Variants in UTRN observed in about 807,000 individuals in gnomAD.
The protein encoded by UTRN is utrophin, also known as dystrophin-related protein 1.
A neutral mutation model predicts 463.9 loss-of-function variants in UTRN; 283 were observed. That is an observed-to-expected ratio of 0.61 (90% CI 0.55 to 0.67). UTRN has a LOEUF of 0.67. UTRN is among the 30% of genes least tolerant of loss of function. The pLI, the probability that UTRN is intolerant of heterozygous loss-of-function variation, is 0.00. For synonymous variants in UTRN, 1,442 were observed against 1,431.5 expected, an observed-to-expected ratio of 1.01 and a Z score of -0.17; for missense variants, 3,922 against 4,084.3, an observed-to-expected ratio of 0.96 and a Z score of 1.08.
At chr6:144,791,629 TC>T (rs1320163688) in intron 62 of UTRN, among the ~76,000 whole-genome samples, 2 of 152,088 alleles carry the variant, frequency 1.3e-5, no homozygotes, top group African/African-American at 2.4e-5. Flanking sequence ...TAGTATCTCT[TC>T]TGTGCTTATT....
chr6:144,635,214 G>C (rs915569380), intron 51 of UTRN, among the ~76,000 whole-genome samples: 7 of 136,342 alleles, frequency 5.1e-5, no homozygotes, highest in African/African-American at 1.9e-4. Flanking sequence ...CAAGTAGTAT[G>C]ATCTGGGCTC....
chr6:144,454,248 C>T (rs560292682), intron 19 of UTRN, among the ~76,000 whole-genome samples: 8 of 152,138 alleles, frequency 5.3e-5, no homozygotes, highest in South Asian at 2.1e-4. Flanking sequence ...AACGAAGTTA[C>T]GTTAAATTCA....
intron 53 of UTRN, among the ~76,000 whole-genome samples, chr6:144,716,240 T>C (rs2128706297): frequency 6.6e-6 from 1 of 151,248 alleles, no homozygotes; most frequent in African/African-American, 2.4e-5. Flanking sequence ...AATATAGCTT[T>C]TTTTTTTTTT....
At chr6:144,727,487 G>C (rs1165473267) in intron 53 of UTRN, among the ~76,000 whole-genome samples, 1 of 152,196 alleles carries the variant, frequency 6.6e-6, no homozygotes, top group African/African-American at 2.4e-5. Context: ...AGCCAGGCGT[G>C]GTGGCCCATG....
At chr6:144,850,747 TTTGC>T (rs1298497461) in intron 74 of UTRN, among the ~76,000 whole-genome samples, 1 of 152,158 alleles carries the variant, frequency 6.6e-6, no homozygotes, top group Non-Finnish European at 1.5e-5. Flanking sequence ...CCATTTTAAC[TTTGC>T]TTCCAGCCTG....
intron 50 of UTRN, among the ~76,000 whole-genome samples, chr6:144,567,370 T>C (rs985550075): frequency 1.3e-5 from 2 of 152,088 alleles, no homozygotes; most frequent in Non-Finnish European, 2.9e-5. Context: ...ACCAAATATC[T>C]GGTAGTGACT....
chr6:144,670,537 T>C (rs1780902141), intron 51 of UTRN, among the ~76,000 whole-genome samples: 1 of 152,062 alleles, frequency 6.6e-6, no homozygotes, highest in African/African-American at 2.4e-5. Flanking sequence ...AGTCCTTTGC[T>C]GGATGCATAG....
chr6:144,645,636 A>C (rs1053739814), intron 51 of UTRN, among the ~76,000 whole-genome samples: 1 of 152,244 alleles, frequency 6.6e-6, no homozygotes, highest in Non-Finnish European at 1.5e-5. Flanking sequence ...ATCTGAAAAA[A>C]TAAAAGGATC....
intron 58 of UTRN, chr6:144,758,207 T>C (rs1426749434): frequency 2.8e-6 from 1 of 358,154 alleles, no homozygotes; most frequent in East Asian, 4.3e-5. Context: ...GCTGATATAT[T>C]TTAAAGTAGA....
At chr6:144,799,814 A>G (rs964254517) in intron 64 of UTRN, among the ~76,000 whole-genome samples, 5 of 152,246 alleles carry the variant, frequency 3.3e-5, no homozygotes, top group Admixed American at 3.3e-4. Flanking sequence ...CCGATTGTGC[A>G]GAGACAAAGT....
chr6:144,579,015 CT>C (rs1302736326), intron 51 of UTRN, among the ~76,000 whole-genome samples: 1 of 152,092 alleles, frequency 6.6e-6, no homozygotes, highest in Non-Finnish European at 1.5e-5. Flanking sequence ...TTGGAATGAG[CT>C]TATTTATAAA....
intron 3 of UTRN, among the ~76,000 whole-genome samples, chr6:144,416,051 GTA>G (rs1483271863): frequency 1.5e-4 from 22 of 151,368 alleles, no homozygotes; most frequent in African/African-American, 4.4e-4. Context: ...GTGTGTGTGT[GTA>G]TGTGTGTGTG....
At chr6:144,615,234 T>C (rs1232239015) in intron 51 of UTRN, among the ~76,000 whole-genome samples, 1 of 152,142 alleles carries the variant, frequency 6.6e-6, no homozygotes, top group Non-Finnish European at 1.5e-5. Context: ...AATGACACAC[T>C]TCTCAATGGC....
At chr6:144,411,127 T>A (rs1783861457) in intron 3 of UTRN, among the ~76,000 whole-genome samples, 1 of 152,184 alleles carries the variant, frequency 6.6e-6, no homozygotes, top group Non-Finnish European at 1.5e-5. Context: ...CTACTTTTAG[T>A]TCTTTAAGGA....
chr6:144,642,572 A>C (rs566206171), intron 51 of UTRN, among the ~76,000 whole-genome samples: 30 of 152,290 alleles, frequency 2.0e-4, no homozygotes, highest in African/African-American at 6.7e-4. Flanking sequence ...ATAAAATGTC[A>C]CAAATCTGTC....
chr6:144,773,885 A>G (rs1775073837), intron 59 of UTRN, among the ~76,000 whole-genome samples: 1 of 152,104 alleles, frequency 6.6e-6, no homozygotes. Flanking sequence ...TCTAGTTTTC[A>G]TGACCCACCT....
chr6:144,633,299 G>A (rs1412955144), intron 51 of UTRN, among the ~76,000 whole-genome samples: 4 of 147,338 alleles, frequency 2.7e-5, no homozygotes, highest in South Asian at 4.2e-4. Flanking sequence ...GCGCGATCTC[G>A]GCGCACTGCA....
chr6:144,787,251 A>G (rs930246436), intron 61 of UTRN, among the ~76,000 whole-genome samples: 10 of 152,300 alleles, frequency 6.6e-5, no homozygotes, highest in African/African-American at 2.4e-4. Flanking sequence ...GTTTCATGTG[A>G]TAATTAGGAA....
chr6:144,796,119 T>A (rs1310140164), intron 63 of UTRN, among the ~76,000 whole-genome samples: 1 of 152,138 alleles, frequency 6.6e-6, no homozygotes, highest in Non-Finnish European at 1.5e-5. Flanking sequence ...TAAGTTTCAG[T>A]TTTCTGCATA....
Sources: allele counts gnomAD v4.1 joint callset (sites outside exome capture counted in the v4.1 genomes callset), GRCh38; gene constraint gnomAD v4.1.1; transcripts MANE v1.5; gene names NCBI Gene and HGNC (gene_info 2026-07-23, HGNC 2026-07-21).